Variants in SEC16A observed in about 807,000 individuals in gnomAD.
SEC16A encodes the protein SEC16 homolog A, endoplasmic reticulum export factor.
A neutral mutation model predicts 221.9 loss-of-function variants in SEC16A; 110 were observed. That is an observed-to-expected ratio of 0.50 (90% CI 0.42 to 0.58). SEC16A has a LOEUF of 0.58. Among genes scored for constraint, SEC16A ranks in the 20% least tolerant of loss-of-function variants. The pLI is 0.00. For synonymous variants in SEC16A, 1,393 were observed against 1,257.7 expected, an observed-to-expected ratio of 1.11 and a Z score of -2.28; for missense variants, 3,165 against 3,097.8, an observed-to-expected ratio of 1.02 and a Z score of -0.52.
chr9:136,464,344 A>G (rs999159169), intron 9 of SEC16A, 76 bp downstream of exon 9: 2 of 1,389,630 alleles, frequency 1.4e-6, no homozygotes, highest in African/African-American at 2.9e-5. Context: ...CTGACAATTG[A>G]AGATGACAAA....
At chr9:136,456,211 T>A in intron 18 of SEC16A, 45 bp from the exon 19 acceptor site, 2 of 1,448,618 alleles carry the variant, frequency 1.4e-6, no homozygotes, top group Non-Finnish European at 9.6e-7. Context: ...CACCGGGTGA[T>A]GGCAAGTGAG....
intron 8 of SEC16A, among the ~76,000 whole-genome samples, 173 bp from the exon 9 acceptor site, chr9:136,464,735 TAC>T: frequency 6.6e-6 from 1 of 152,340 alleles, no homozygotes; most frequent in East Asian, 1.9e-4. Context: ...AACTTCAGCA[TAC>T]GTCAGGAAAA....
At chr9:136,480,707 C>G (rs1416942218) in intron 1 of SEC16A, among the ~76,000 whole-genome samples, 2 of 152,008 alleles carry the variant, frequency 1.3e-5, no homozygotes, top group African/African-American at 4.8e-5. Context: ...CTGGCTAACA[C>G]GGTGAAACCC....
chr9:136,466,571 C>T lies in SEC16A; in HGVS notation c.3930-109G>A. Reference sequence around the variant, plus strand: ...GAGACCGAGACCCCTGGGGCCGAGGCACAACACAGCACACCCGACACTCAG... The same window carrying T: ...GAGACCGAGACCCCTGGGGCCGAGGTACAACACAGCACACCCGACACTCAG... On this transcript the variant is annotated intron_variant, in intron 6 of 31. Transcript: ENST00000684901. The surrounding 1 kb of genome is among the most constrained non-coding windows in gnomAD (Gnocchi z 5.5). 1.0e-6 allele frequency: 1 copy of T among 956,292 alleles called. No individual in the cohort carries two copies. The highest frequency in any genetic ancestry group is 1.7e-5 in the South Asian group (1 of 58,290). 59.2% of individuals were successfully genotyped at this position (956,292 alleles called of 1,614,324 possible).
chr9:136,480,986 T>C (rs902196124), intron 1 of SEC16A, among the ~76,000 whole-genome samples: 1 of 152,190 alleles, frequency 6.6e-6, no homozygotes, highest in African/African-American at 2.4e-5. Flanking sequence ...TGCTCCCTAA[T>C]TGAGAGCTTT....
chr9:136,479,421 C>T (rs1303682567), intron 1 of SEC16A, among the ~76,000 whole-genome samples: 1 of 151,898 alleles, frequency 6.6e-6, no homozygotes, highest in Non-Finnish European at 1.5e-5. Flanking sequence ...GGTGCGATCT[C>T]GGCTCACTGC....
At chr9:136,483,954 G>T, upstream of SEC16A, 1 of 256,272 alleles carries the variant, frequency 3.9e-6, no homozygotes, top group African/African-American at 2.3e-5. Context: ...GCGTCCTGGG[G>T]TTTCCCCGAC....
chr9:136,473,961 A>G lies in SEC16A; in HGVS notation c.3567+88T>C, dbSNP rs1472483856. On this transcript the variant is annotated intron_variant, in intron 3 of 31. Transcript: ENST00000684901. ...GGGTGACCCCGGAACCAAGCGAACAAACACTACTAAGGAATACACTGTGAG... is the reference window on the plus strand; with the variant it reads ...GGGTGACCCCGGAACCAAGCGAACAGACACTACTAAGGAATACACTGTGAG... 3 of 1,409,434 alleles carry G rather than the reference A, an allele frequency of 2.1e-6. No individual in the cohort carries two copies. The African/African-American group carries it at 4.3e-5, about 20-fold the overall frequency. 87.3% of individuals were successfully genotyped at this position (1,409,434 alleles called of 1,614,324 possible).
At chr9:136,472,200 G>A in intron 3 of SEC16A, 89 bp from the exon 4 acceptor site, 1 of 1,522,360 alleles carries the variant, frequency 6.6e-7, no homozygotes, top group Non-Finnish European at 9.0e-7. Flanking sequence ...ATTGCAGAGG[G>A]CGGGCAGCAT....
intron 8 of SEC16A, among the ~76,000 whole-genome samples, chr9:136,465,018 A>G (rs1449270327): frequency 1.3e-5 from 2 of 152,194 alleles, no homozygotes; most frequent in Admixed American, 6.5e-5. Context: ...CAGCACTTTG[A>G]AAGGATCCAA....
chr9:136,459,958 C>T lies in SEC16A; in HGVS notation c.5073+84G>A. The T allele has an allele frequency of 1.3e-6, 2 of 1,536,790 alleles. No homozygotes were observed. Among genetic ancestry groups the T allele is most frequent in the Non-Finnish European group, 1.8e-6 (2 of 1,125,862 alleles). ...CCACACAGCTGGGCTCACCAGGCAC[C>T]TCACGGCCTGTGACAGCGTCACCCA... On this transcript the variant is annotated intron_variant, in intron 14 of 31. Transcript: ENST00000684901. This position sits in a 1 kb window ranked among gnomAD's most constrained non-coding sequence, Gnocchi z 6.1.
chr9:136,441,617 G>A lies in SEC16A; in HGVS notation c.*138C>T. On this transcript the variant is annotated 3_prime_UTR_variant, in exon 32 of 32. Coordinates refer to ENST00000684901, the MANE Select transcript of SEC16A (RefSeq NM_014866.2). ...ATTCATTACGATGGGCGGTGAGGAG[G>A]GAGGCACAGTGTGCGACCAGCTCTG... 1 of 664,576 alleles carries A rather than the reference G, an allele frequency of 1.5e-6. No individual in the cohort carries two copies. Among genetic ancestry groups the A allele is most frequent in the Non-Finnish European group, 2.8e-6 (1 of 362,766 alleles). The allele number at this position is 664,576 out of a possible 1,614,324, so 41.2% of individuals were successfully genotyped here. A position where few individuals can be genotyped will look rare whatever the true frequency, so the allele number is the denominator to read the frequency against.
intron 31 of SEC16A, among the ~76,000 whole-genome samples, chr9:136,442,189 TTGCAGA>T (rs1564446401): frequency 6.6e-6 from 1 of 152,234 alleles, no homozygotes; most frequent in Admixed American, 6.5e-5. Context: ...GGGACCTCAG[TTGCAGA>T]CAGCTGGCCA....
rs1245738925 is a variant in SEC16A, at chr9:136,474,739, A to C, written c.2877T>G (p.Ala959=). The C allele has an allele frequency of 6.2e-7, 1 of 1,613,930 alleles. No individual in the cohort carries two copies. Among genetic ancestry groups the C allele is most frequent in the East Asian group, 2.2e-5 (1 of 44,890 alleles). The change falls in exon 3 of 32, where the codon GCT becomes GCG. Residue 959 remains alanine (A), a synonymous_variant. Transcript: ENST00000684901. ...GAACTAACACCACACTTGTGCTTCC[A>C]GCAGGGCTATTAGCAAATCCGGGAA... ...SALPGFANSP[A]GSTSVVLVPP...
chr9:136,454,537 T>C (rs1838332090), intron 20 of SEC16A, among the ~76,000 whole-genome samples: 2 of 152,144 alleles, frequency 1.3e-5, no homozygotes, highest in African/African-American at 4.8e-5. Flanking sequence ...CTTCCTTTTC[T>C]AGGGGAGGGG....
intron 1 of SEC16A, among the ~76,000 whole-genome samples, chr9:136,481,913 A>G (rs1842416927): frequency 6.6e-6 from 1 of 152,212 alleles, no homozygotes; most frequent in Admixed American, 6.5e-5. Flanking sequence ...GTATTCATGA[A>G]AGATGCTTAC....
chr9:136,463,696 G>A lies in SEC16A; in HGVS notation c.4491C>T (p.Phe1497=). 6.2e-7 allele frequency: 1 copy of A among 1,612,940 alleles called. No individual in the cohort carries two copies. Among genetic ancestry groups the A allele is most frequent in the Non-Finnish European group, 8.5e-7 (1 of 1,179,732 alleles). ...HTSEQEEMRA[F]PGPLAKDDTH... ...GAACATACTTGGCCAGGGGTCCCGG[G>A]AACGCCCGCATCTCCTCCTGCTCAG... The change falls in exon 10 of 32, where the codon TTC becomes TTT. Residue 1497 remains phenylalanine, a synonymous_variant. Transcript: ENST00000684901.
Position 136,478,380 on chromosome 9 carries a change from G to T in SEC16A, c.-70+329C>A, listed in dbSNP as rs140898896. 4.8e-3 allele frequency among the ~76,000 whole-genome samples: 689 copies of T among 142,898 alleles called. 2 individuals are homozygous for T. The highest frequency in any genetic ancestry group is 0.016 in the African/African-American group (643 of 39,108). 93.7% of individuals were successfully genotyped at this position (142,898 alleles called of 152,430 possible). A position where few individuals can be genotyped will look rare whatever the true frequency, so the allele number is the denominator to read the frequency against. On this transcript the variant is annotated intron_variant, in intron 2 of 31. Coordinates refer to ENST00000684901, the MANE Select transcript of SEC16A (RefSeq NM_014866.2). ...ACAGCACCACTACCCTTCAGCCTGG[G>T]TGACACAGTGAGTCCCTAGCTCAAA...
intron 30 of SEC16A, 22 bp from the exon 31 acceptor site, chr9:136,443,922 C>A: frequency 6.3e-7 from 1 of 1,591,642 alleles, no homozygotes. Flanking sequence ...AGAGAAGTCA[C>A]CTCAGCAGGG....
Sources: gnomAD v4.1 joint callset for allele counts (sites outside exome capture counted in the v4.1 genomes callset) on GRCh38, gnomAD v4.1.1 for gene constraint, Gnocchi (gnomAD v3.1) non-coding constraint, MANE v1.5 for transcripts, NCBI Gene and HGNC (gene_info 2026-07-23, HGNC 2026-07-21) for gene names.